The following APBB1 variants were observed in gnomAD, a reference collection of about 807,000 sequenced individuals.
APBB1 encodes adaptor protein FE65a2.
Under a neutral mutation model 78.4 loss-of-function variants are expected in APBB1, and 22 were observed. The ratio of observed to expected loss-of-function variants is 0.28; its 90% confidence interval spans 0.20 to 0.40. The LOEUF (loss-of-function observed/expected upper bound fraction) is 0.40, where lower values mean the gene tolerates loss of function less well. Among genes scored for constraint, APBB1 ranks in the 10% least tolerant of loss-of-function variants. APBB1 has a pLI of 1.00. For missense variants in APBB1, 749 were observed against 932.4 expected, an observed-to-expected ratio of 0.80 and a Z score of 2.56; for synonymous variants, 369 against 372.7, an observed-to-expected ratio of 0.99 and a Z score of 0.12.
chr11:6,410,166 C>G (rs1848921876), intron 2 of APBB1, among the ~76,000 whole-genome samples: 1 of 152,012 alleles, frequency 6.6e-6, no homozygotes, highest in African/African-American at 2.4e-5. Flanking sequence ...AACACGGGGC[C>G]AAGAGCTCAG....
intron 1 of APBB1, among the ~76,000 whole-genome samples, chr11:6,414,395 T>G (rs544946095): frequency 6.6e-6 from 1 of 152,188 alleles, no homozygotes; most frequent in South Asian, 2.1e-4. Context: ...CCACATTCTA[T>G]CAGAATATCT....
chr11:6,416,297 G>C (rs908073810), intron 1 of APBB1, among the ~76,000 whole-genome samples: 1 of 152,146 alleles, frequency 6.6e-6, no homozygotes, highest in African/African-American at 2.4e-5. Flanking sequence ...ACCTGCTGGA[G>C]TTTCTTATGG....
At chr11:6,398,124 A>G (rs1161044782) in intron 12 of APBB1, among the ~76,000 whole-genome samples, 1 of 152,204 alleles carries the variant, frequency 6.6e-6, no homozygotes, top group Non-Finnish European at 1.5e-5. Flanking sequence ...GTATGGAAAA[A>G]GGCTGTCAGA....
At position 6,407,364 on chromosome 11, in the gene APBB1, T is replaced by C. The variant is rs965842345; in HGVS notation, c.721+3263A>G. 2.0e-5 allele frequency among the ~76,000 whole-genome samples: 3 copies of C among 152,174 alleles called. No homozygotes were observed. The South Asian group carries it at 6.2e-4, about 32-fold the overall frequency. On this transcript the variant is annotated intron_variant, in intron 2 of 14. Transcript: ENST00000609360. Reference sequence around the variant, plus strand: ...TATCCCCCTACTCCTAGAAGCTTCATAGGTAGTTCAGAGTTGCAGCCCCCA... The same window carrying C: ...TATCCCCCTACTCCTAGAAGCTTCACAGGTAGTTCAGAGTTGCAGCCCCCA...
intron 12 of APBB1, among the ~76,000 whole-genome samples, chr11:6,399,602 T>G (rs1848394877): frequency 6.6e-6 from 1 of 152,162 alleles, no homozygotes; most frequent in Non-Finnish European, 1.5e-5. Context: ...AGCAAGAGCC[T>G]CCTAACTGAG....
At chr11:6,418,409 G>A (rs956286793) in intron 1 of APBB1, among the ~76,000 whole-genome samples, 1 of 152,236 alleles carries the variant, frequency 6.6e-6, no homozygotes, top group African/African-American at 2.4e-5. Flanking sequence ...AGGGCGGAGA[G>A]AGCTGGGACT....
intron 12 of APBB1, among the ~76,000 whole-genome samples, chr11:6,400,306 C>T (rs572960135): frequency 1.3e-5 from 2 of 152,254 alleles, no homozygotes; most frequent in East Asian, 3.9e-4. Context: ...TCTCAGAGGC[C>T]GAGGCAGGTG....
At chr11:6,406,623 C>T (rs1848811018) in intron 2 of APBB1, among the ~76,000 whole-genome samples, 1 of 152,130 alleles carries the variant, frequency 6.6e-6, no homozygotes, top group Non-Finnish European at 1.5e-5. Flanking sequence ...CCCTGTCTGC[C>T]TCTCAGCCTT....
chr11:6,404,123 T>C (rs1655337811), intron 2 of APBB1: 1 of 384,950 alleles, frequency 2.6e-6, no homozygotes, highest in African/African-American at 2.0e-5. Context: ...GTGACCCCAA[T>C]TAACCTCCTT....
In APBB1 at chr11:6,410,832, G is replaced by A; in HGVS notation, c.516C>T (p.Asp172=). ...EDDDDEEEEE[D]LSSPPGLPEP... The stretch of plus-strand genomic sequence containing the variant: ...CAGGCAGCCCTGGGGGAGAAGATAA[G>A]TCCTCCTCCTCCTCTTCATCATCAT... The change falls in exon 2 of 15, where the codon GAC becomes GAT. Residue 172 remains aspartate (D), a synonymous_variant. Transcript: ENST00000609360. 6.2e-7 allele frequency: 1 copy of A among 1,613,778 alleles called. No individual in the cohort carries two copies. The highest frequency in any genetic ancestry group is 8.5e-7 in the Non-Finnish European group (1 of 1,179,818).
Position 6,411,966 on chromosome 11 carries a change from G to A in APBB1, c.-14-605C>T, listed in dbSNP as rs753149138. 1.9e-4 allele frequency among the ~76,000 whole-genome samples: 29 copies of A among 152,214 alleles called. No homozygotes were observed. Among genetic ancestry groups the A allele is most frequent in the Non-Finnish European group, 3.8e-4 (26 of 68,032 alleles). ...GGAAGGCAGGTCACAGAGGGAGGGC[G>A]CTCGGCTGCAATTCATGGCTTCTCT... is the stretch of plus-strand genomic sequence containing the variant. On this transcript the variant is annotated intron_variant, in intron 1 of 14. Coordinates refer to ENST00000609360, the MANE Select transcript of APBB1 (RefSeq NM_001164.5). This position sits in a 1 kb window ranked among gnomAD's most constrained non-coding sequence, Gnocchi z 5.2.
intron 2 of APBB1, among the ~76,000 whole-genome samples, chr11:6,407,274 T>C (rs1848835094): frequency 6.6e-6 from 1 of 152,118 alleles, no homozygotes; most frequent in African/African-American, 2.4e-5. Flanking sequence ...GAGAATCCTC[T>C]TGCCACTCCA....
At chr11:6,404,879 G>A (rs1481376709) in intron 2 of APBB1, 19 of 1,516,714 alleles carry the variant, frequency 1.3e-5, no homozygotes, top group Non-Finnish European at 1.7e-5. Context: ...ACAGCCTGGT[G>A]CTGGGCTGCA....
chr11:6,405,684 A>C (rs1351230438), intron 2 of APBB1: 5 of 985,458 alleles, frequency 5.1e-6, no homozygotes, highest in Non-Finnish European at 4.8e-6. Context: ...CAGACACCCA[A>C]AGAGGAGGGG....
In APBB1 at chr11:6,403,353, C is replaced by T. The variant is rs1848631169; in HGVS notation, c.1006G>A (p.Glu336Lys). The T allele has an allele frequency of 6.2e-7, 1 of 1,614,062 alleles. No individual in the cohort carries two copies. Among genetic ancestry groups the T allele is most frequent in the Non-Finnish European group, 8.5e-7 (1 of 1,180,024 alleles). Residue 336 changes from glutamate (E) to lysine (K), a missense_variant, in exon 5 of 15, where the codon GAG becomes AAG. Coordinates refer to ENST00000609360, the MANE Select transcript of APBB1 (RefSeq NM_001164.5). This position sits in a 1 kb window ranked among gnomAD's most constrained non-coding sequence, Gnocchi z 5.3. ...TGAGCTGGGAAGGTCAACGTCCCCT[C>T]CTCAGGTTCCTTCAGTCCCAGCTCC... ...PMELGLKEPE[E>K]GTLTFPAQSL...
In APBB1 at chr11:6,403,246, T is replaced by C. The variant is rs1303449631; in HGVS notation, c.1041-38A>G. 1 of 1,610,488 alleles carries C rather than the reference T, an allele frequency of 6.2e-7. No individual in the cohort carries two copies. The highest frequency in any genetic ancestry group is 2.2e-5 in the East Asian group (1 of 44,858). ...GGTAATACTTGGCACAGGGCTCCCA[T>C]AAATGGAGCTGTCCCAAGGCCCCTT... On this transcript the variant is annotated intron_variant, in intron 5 of 14. Transcript: ENST00000609360. The surrounding 1 kb of genome is among the most constrained non-coding windows in gnomAD (Gnocchi z 5.3).
intron 2 of APBB1, among the ~76,000 whole-genome samples, chr11:6,405,850 T>A (rs1461119482): frequency 6.6e-6 from 1 of 152,172 alleles, no homozygotes; most frequent in Non-Finnish European, 1.5e-5. Flanking sequence ...CTCCATTGCC[T>A]CAGGACTCTC....
intron 12 of APBB1, among the ~76,000 whole-genome samples, chr11:6,399,509 C>T (rs1172999480): frequency 4.6e-5 from 7 of 152,198 alleles, no homozygotes; most frequent in Non-Finnish European, 7.3e-5. Flanking sequence ...GTTGACTATA[C>T]CCGTCTAAAC....
chr11:6,395,335 TACC>T lies in APBB1; in HGVS notation c.*196_*198del, dbSNP rs928049546. Reference sequence around the variant, plus strand: ...TGGCCTTGCTTCCTGCTCCTCTTGTTACCACTCCAGTGTTATCACTTCCTTGAA... The same window carrying T: ...TGGCCTTGCTTCCTGCTCCTCTTGTTACTCCAGTGTTATCACTTCCTTGAA... On this transcript the variant is annotated 3_prime_UTR_variant, in exon 15 of 15. Coordinates refer to ENST00000609360, the MANE Select transcript of APBB1 (RefSeq NM_001164.5). The surrounding 1 kb of genome is among the most constrained non-coding windows in gnomAD (Gnocchi z 5.2). The T allele has an allele frequency of 2.0e-6, 1 of 509,424 alleles. No homozygotes were observed. Among genetic ancestry groups the T allele is most frequent in the Non-Finnish European group, 3.3e-6 (1 of 305,590 alleles). The allele number at this position is 509,424 out of a possible 1,614,324, so 31.6% of individuals were successfully genotyped here.
Sources: allele counts gnomAD v4.1 joint callset (sites outside exome capture counted in the v4.1 genomes callset), GRCh38; gene constraint gnomAD v4.1.1; non-coding constraint Gnocchi (gnomAD v3.1); transcripts MANE v1.5; gene names NCBI Gene and HGNC (gene_info 2026-07-23, HGNC 2026-07-21).